The following TXLNB variants were observed in gnomAD, a reference collection of about 807,000 sequenced individuals.
TXLNB encodes beta-taxilin.
Under a neutral mutation model 57.4 loss-of-function variants are expected in TXLNB, and 37 were observed. The observed-to-expected ratio is 0.64, with a 90% confidence interval of 0.50 to 0.85. TXLNB has a LOEUF of 0.85. Ranked by LOEUF, TXLNB falls within the 40% of genes least tolerant of loss-of-function variation. The pLI is 0.00. For synonymous variants in TXLNB, 302 were observed against 309.6 expected, an observed-to-expected ratio of 0.98 and a Z score of 0.26; for missense variants, 848 against 825.6, an observed-to-expected ratio of 1.03 and a Z score of -0.33.
the TXLNB span, among the ~76,000 whole-genome samples, chr6:139,175,368 C>T: frequency 1.3e-5 from 2 of 152,168 alleles, no homozygotes; most frequent in African/African-American, 4.8e-5. Context: ...TCATTAGTTA[C>T]TGCATAGTTT....
the TXLNB span, among the ~76,000 whole-genome samples, chr6:139,196,609 C>T: frequency 0.028 from 4,163 of 151,362 alleles, 73 homozygotes; most frequent in East Asian, 0.054. Flanking sequence ...CTCCTGACTT[C>T]GGCGATCCAC....
At chr6:139,199,042 C>T in the TXLNB span, among the ~76,000 whole-genome samples, 1 of 151,664 alleles carries the variant, frequency 6.6e-6, no homozygotes, top group Non-Finnish European at 1.5e-5. Flanking sequence ...GATCCCCAAC[C>T]GATAAAGGTT....
the TXLNB span, among the ~76,000 whole-genome samples, chr6:139,173,589 A>T: frequency 2.6e-5 from 4 of 152,108 alleles, no homozygotes; most frequent in African/African-American, 4.8e-5. Context: ...ATGGGGAAGC[A>T]CCCTGGGTTC....
chr6:139,267,086 T>C (rs1164002100), intron 4 of TXLNB, among the ~76,000 whole-genome samples: 1 of 151,032 alleles, frequency 6.6e-6, no homozygotes, highest in Admixed American at 6.6e-5. Flanking sequence ...ACTAAGAGAA[T>C]TGATTACCAG....
rs1775923657 is a variant in TXLNB at position 139,241,119 on chromosome 6, G to A, written c.*1407C>T. 6.6e-6 allele frequency: 1 copy of A among 152,066 alleles called. No homozygotes were observed. Among genetic ancestry groups the A allele is most frequent in the Non-Finnish European group, 1.5e-5 (1 of 68,028 alleles). 9.4% of individuals were successfully genotyped at this position (152,066 alleles called of 1,614,324 possible). ...CAAGCAATGTTAATGTAATACTCATGTTGACAACCCCAAGTGTTTCTAGCT... is the reference window on the plus strand; with the variant it reads ...CAAGCAATGTTAATGTAATACTCATATTGACAACCCCAAGTGTTTCTAGCT... On this transcript the variant is annotated 3_prime_UTR_variant, in exon 10 of 10. Coordinates refer to ENST00000358430, the MANE Select transcript of TXLNB (RefSeq NM_153235.4).
chr6:139,185,890 C>G, the TXLNB span, among the ~76,000 whole-genome samples: 1 of 152,154 alleles, frequency 6.6e-6, no homozygotes, highest in Non-Finnish European at 1.5e-5. Context: ...TTTGTCCTTT[C>G]TGTTGCCCTT....
In TXLNB at chr6:139,247,812, C is replaced by CTTA; in HGVS notation, c.1170+4_1170+5insTAA. 6 of 1,588,500 alleles carry CTTA rather than the reference C, an allele frequency of 3.8e-6. No individual in the cohort carries two copies. The highest frequency in any genetic ancestry group is 5.1e-6 in the Non-Finnish European group (6 of 1,165,462). ...AATATTTTGTTGGTGATAAGCAATACTCACTTTGTCCATTTCCTGTTTGAA... is the reference window on the plus strand; with the variant it reads ...AATATTTTGTTGGTGATAAGCAATACTTATCACTTTGTCCATTTCCTGTTTGAA... On this transcript the variant is annotated splice_donor_region_variant and intron_variant, in intron 8 of 9. Coordinates refer to ENST00000358430, the MANE Select transcript of TXLNB (RefSeq NM_153235.4).
the TXLNB span, among the ~76,000 whole-genome samples, chr6:139,172,404 G>A: frequency 4.6e-5 from 7 of 152,046 alleles, no homozygotes; most frequent in Non-Finnish European, 8.8e-5. Context: ...CTACTCCCTC[G>A]CCCTGCCCTT....
intron 2 of TXLNB, among the ~76,000 whole-genome samples, chr6:139,279,782 CA>C (rs942709078): frequency 1.1e-4 from 16 of 152,288 alleles, no homozygotes; most frequent in African/African-American, 3.9e-4. Context: ...TGTGTTCTTC[CA>C]AAGCAAGCTT....
chr6:139,261,639 G>A (rs1206951383), intron 5 of TXLNB, among the ~76,000 whole-genome samples: 1 of 152,036 alleles, frequency 6.6e-6, no homozygotes, highest in Non-Finnish European at 1.5e-5. Context: ...CCTATTCAAA[G>A]TAAAAGGCTT....
At chr6:139,215,634 A>G in the TXLNB span, among the ~76,000 whole-genome samples, 1 of 152,216 alleles carries the variant, frequency 6.6e-6, no homozygotes, top group African/African-American at 2.4e-5. Context: ...ATGGGATCTA[A>G]TTAAACTAAA....
chr6:139,223,306 G>A, the TXLNB span, among the ~76,000 whole-genome samples: 17 of 152,310 alleles, frequency 1.1e-4, no homozygotes, highest in African/African-American at 4.1e-4. Flanking sequence ...TGCAGTTAAA[G>A]CCATTCTTAG....
rs1355235993 is a variant in TXLNB, at chr6:139,240,092, T to C, written c.*2434A>G. 1 of 152,022 alleles carries C rather than the reference T, an allele frequency of 6.6e-6. No homozygotes were observed. The highest frequency in any genetic ancestry group is 2.4e-5 in the African/African-American group (1 of 40,900). 9.4% of individuals were successfully genotyped at this position (152,022 alleles called of 1,614,324 possible). A position where few individuals can be genotyped will look rare whatever the true frequency, so the allele number is the denominator to read the frequency against. On this transcript the variant is annotated 3_prime_UTR_variant, in exon 10 of 10. Transcript: ENST00000358430. ...AAGAGAAGTACCTTTTTAATAGATATATAAATTATAGTTATTTAACTTAGA... is the reference window on the plus strand; with the variant it reads ...AAGAGAAGTACCTTTTTAATAGATACATAAATTATAGTTATTTAACTTAGA...
the TXLNB span, among the ~76,000 whole-genome samples, chr6:139,307,696 T>G: frequency 5.9e-5 from 9 of 152,216 alleles, no homozygotes; most frequent in South Asian, 8.3e-4. Flanking sequence ...TTTCCTCTTC[T>G]ATTCATTCTT....
chr6:139,301,054 A>G, the TXLNB span, among the ~76,000 whole-genome samples: 17 of 152,308 alleles, frequency 1.1e-4, no homozygotes, highest in Middle Eastern at 6.8e-3. Flanking sequence ...CTGTAGATGG[A>G]TCCTGGCTGA....
the TXLNB span, among the ~76,000 whole-genome samples, chr6:139,194,235 C>G: frequency 6.6e-6 from 1 of 152,214 alleles, no homozygotes; most frequent in East Asian, 1.9e-4. Flanking sequence ...GCCACCGCAC[C>G]TAGCCCATCT....
At chr6:139,197,430 A>G in the TXLNB span, among the ~76,000 whole-genome samples, 1 of 152,196 alleles carries the variant, frequency 6.6e-6, no homozygotes, top group African/African-American at 2.4e-5. Flanking sequence ...TAAGCACTCA[A>G]TAAATATTTC....
the TXLNB span, among the ~76,000 whole-genome samples, chr6:139,190,044 C>A: frequency 2.6e-5 from 4 of 152,212 alleles, no homozygotes; most frequent in Non-Finnish European, 5.9e-5. Context: ...TGGGTGCCTA[C>A]TTCCTTGGGG....
the TXLNB span, among the ~76,000 whole-genome samples, chr6:139,302,320 G>GAA: frequency 1.8e-4 from 22 of 124,566 alleles, no homozygotes; most frequent in Admixed American, 1.5e-3. Context: ...AGAGAGAGGA[G>GAA]AAAAAAAAAA....
Sources: gnomAD v4.1 joint callset for allele counts (sites outside exome capture counted in the v4.1 genomes callset) on GRCh38, gnomAD v4.1.1 for gene constraint, MANE v1.5 for transcripts, NCBI Gene and HGNC (gene_info 2026-07-23, HGNC 2026-07-21) for gene names.